SLC9A9: variants seen among roughly 807,000 people sequenced by gnomAD.
SLC9A9 encodes the protein solute carrier family 9 member A9, also known as sodium/hydrogen exchanger 9.
SLC9A9 carries 62 observed loss-of-function variants against 77.8 expected under a neutral mutation model. That is an observed-to-expected ratio of 0.80 (90% CI 0.65 to 0.98). SLC9A9 has a LOEUF of 0.98. Ranked by LOEUF, SLC9A9 falls within the 50% of genes least tolerant of loss-of-function variation. The pLI is 0.00. For synonymous variants in SLC9A9, 320 were observed against 283.5 expected, an observed-to-expected ratio of 1.13 and a Z score of -1.29; for missense variants, 775 against 774.9, an observed-to-expected ratio of 1.00 and a Z score of 0.00.
intron 6 of SLC9A9, among the ~76,000 whole-genome samples, chr3:143,630,089 C>T (rs747336463): frequency 6.6e-6 from 1 of 152,048 alleles, no homozygotes; most frequent in African/African-American, 2.4e-5. Context: ...TTATCCTCAA[C>T]TTGGCCTGGG....
At chr3:143,318,801 A>G (rs1428619624) in intron 14 of SLC9A9, among the ~76,000 whole-genome samples, 1 of 152,172 alleles carries the variant, frequency 6.6e-6, no homozygotes, top group African/African-American at 2.4e-5. Flanking sequence ...GACTTGTTGC[A>G]TGGGACAGAG....
intron 5 of SLC9A9, among the ~76,000 whole-genome samples, chr3:143,676,135 A>G (rs1023356160): frequency 1.3e-5 from 2 of 152,046 alleles, no homozygotes; most frequent in African/African-American, 4.8e-5. Flanking sequence ...TTCTATGACA[A>G]TCTAATGCTG....
At chr3:143,358,660 C>T (rs192412695) in intron 14 of SLC9A9, among the ~76,000 whole-genome samples, 1 of 152,214 alleles carries the variant, frequency 6.6e-6, no homozygotes, top group African/African-American at 2.4e-5. Flanking sequence ...GATTCTCATA[C>T]CAGCTGTAAC....
At chr3:143,723,477 G>A (rs114009343) in intron 4 of SLC9A9, among the ~76,000 whole-genome samples, 2,741 of 152,158 alleles carry the variant, frequency 0.018, 72 homozygotes, top group African/African-American at 0.061. Context: ...GGGGAGTGGG[G>A]ACACAAGATG....
chr3:143,662,995 T>C (rs1334347596), intron 5 of SLC9A9, among the ~76,000 whole-genome samples: 1 of 152,036 alleles, frequency 6.6e-6, no homozygotes, highest in Non-Finnish European at 1.5e-5. Flanking sequence ...CTCAAGTGGG[T>C]CCCTGACCCC....
At chr3:143,518,013 C>A in intron 9 of SLC9A9, 1 of 1,418,424 alleles carries the variant, frequency 7.1e-7, no homozygotes, top group Non-Finnish European at 9.9e-7. Flanking sequence ...CTTGACGGTT[C>A]TTCTGCCTTT....
At chr3:143,551,944 G>A (rs1004030928) in intron 9 of SLC9A9, among the ~76,000 whole-genome samples, 2 of 152,138 alleles carry the variant, frequency 1.3e-5, no homozygotes, top group Non-Finnish European at 2.9e-5. Flanking sequence ...GTGACAACTG[G>A]CAGTTGAGTT....
intron 4 of SLC9A9, among the ~76,000 whole-genome samples, chr3:143,744,170 A>T (rs1448123125): frequency 6.6e-6 from 1 of 152,206 alleles, no homozygotes; most frequent in Non-Finnish European, 1.5e-5. Context: ...CCCAGCTTTA[A>T]AGAATTTTAA....
chr3:143,480,785 G>C (rs2035561083), intron 11 of SLC9A9, among the ~76,000 whole-genome samples: 1 of 152,170 alleles, frequency 6.6e-6, no homozygotes, highest in African/African-American at 2.4e-5. Flanking sequence ...AATATGCCTA[G>C]GGTAGGAAGG....
intron 4 of SLC9A9, among the ~76,000 whole-genome samples, chr3:143,736,168 A>G (rs16854224): frequency 0.12 from 18,692 of 151,944 alleles, 1,763 homozygotes; most frequent in African/African-American, 0.27. Flanking sequence ...TGGAAAGTTT[A>G]CTCTGTTCCT....
intron 6 of SLC9A9, among the ~76,000 whole-genome samples, chr3:143,590,618 C>T (rs765233001): frequency 9.2e-5 from 14 of 152,288 alleles, no homozygotes; most frequent in East Asian, 5.8e-4. Flanking sequence ...TAAGCATGGA[C>T]GATCCATGGT....
chr3:143,583,668 G>T (rs2037493532), intron 6 of SLC9A9, among the ~76,000 whole-genome samples: 1 of 152,184 alleles, frequency 6.6e-6, no homozygotes, highest in Admixed American at 6.5e-5. Flanking sequence ...GTTGCTATGA[G>T]AATTAAATGG....
chr3:143,508,823 T>C (rs1325589812), intron 9 of SLC9A9, among the ~76,000 whole-genome samples: 1 of 152,206 alleles, frequency 6.6e-6, no homozygotes, highest in African/African-American at 2.4e-5. Flanking sequence ...GTAAATATTT[T>C]ACAATTTAGA....
At chr3:143,532,144 C>T (rs929999476) in intron 9 of SLC9A9, among the ~76,000 whole-genome samples, 3 of 152,154 alleles carry the variant, frequency 2.0e-5, no homozygotes, top group Admixed American at 1.3e-4. Context: ...TTTTAAGTGT[C>T]TAATATGATA....
intron 6 of SLC9A9, among the ~76,000 whole-genome samples, chr3:143,582,888 T>C (rs1576591119): frequency 6.6e-6 from 1 of 152,294 alleles, no homozygotes; most frequent in Non-Finnish European, 1.5e-5. Context: ...GGCTCGCTCC[T>C]GTAATCCCAG....
chr3:143,378,763 G>A (rs1042675650), intron 13 of SLC9A9, among the ~76,000 whole-genome samples: 6 of 152,170 alleles, frequency 3.9e-5, no homozygotes, highest in African/African-American at 1.4e-4. Flanking sequence ...ATTCACAACT[G>A]CAGTATCTTC....
intron 12 of SLC9A9, among the ~76,000 whole-genome samples, chr3:143,410,266 C>A (rs1039714574): frequency 2.6e-5 from 4 of 152,164 alleles, no homozygotes; most frequent in African/African-American, 9.7e-5. Context: ...CAGCCCTGTA[C>A]TGGGGACACA....
chr3:143,645,256 C>T (rs2038685149), intron 6 of SLC9A9, among the ~76,000 whole-genome samples: 1 of 151,956 alleles, frequency 6.6e-6, no homozygotes, highest in Non-Finnish European at 1.5e-5. Context: ...TTAAGGAACT[C>T]GAAATCTACT....
intron 12 of SLC9A9, among the ~76,000 whole-genome samples, chr3:143,400,481 G>C (rs2033829696): frequency 6.6e-6 from 1 of 152,056 alleles, no homozygotes. Flanking sequence ...TGGGAACTAA[G>C]CTATGAGGAC....
Sources: allele counts gnomAD v4.1 joint callset (sites outside exome capture counted in the v4.1 genomes callset), GRCh38; gene constraint gnomAD v4.1.1; transcripts MANE v1.5; gene names NCBI Gene and HGNC (gene_info 2026-07-23, HGNC 2026-07-21).